The following THSD4 variants were observed in gnomAD, a reference collection of about 807,000 sequenced individuals.
THSD4 encodes the protein thrombospondin type-1 domain-containing protein 4.
In THSD4, 69 loss-of-function variants were observed where a neutral mutation model predicts 119.0. That is an observed-to-expected ratio of 0.58 (90% CI 0.48 to 0.71). The LOEUF (loss-of-function observed/expected upper bound fraction) is 0.71, where lower values mean the gene tolerates loss of function less well. THSD4 is among the 30% of genes least tolerant of loss of function. The probability of loss-of-function intolerance (pLI) is 0.00; values close to 1 mark genes in which losing one functional copy is unlikely to be tolerated. For synonymous variants in THSD4, 524 were observed against 540.4 expected (o/e 0.97, Z 0.42); for missense variants, 1,393 against 1,391.1 (o/e 1.00, Z -0.02).
At chr15:71,453,471 C>T (rs1239532230) in intron 7 of THSD4, among the ~76,000 whole-genome samples, 1 of 152,154 alleles carries the variant, frequency 6.6e-6, no homozygotes, top group Non-Finnish European at 1.5e-5. Context: ...TGTCACCTGC[C>T]ACAAACGAAT....
intron 8 of THSD4, among the ~76,000 whole-genome samples, chr15:71,724,288 T>TATATATATATATATTTTC (rs1491162842): frequency 3.2e-5 from 1 of 31,484 alleles, no homozygotes; most frequent in South Asian, 1.5e-3. Context: ...TATATATATA[T>TATATATATATATATTTTC]TTTTTTTTTC....
chr15:71,394,459 G>A (rs1012174873), intron 6 of THSD4, among the ~76,000 whole-genome samples: 1 of 152,068 alleles, frequency 6.6e-6, no homozygotes, highest in Non-Finnish European at 1.5e-5. Flanking sequence ...TTTTAGTAGA[G>A]ACGGTGTTTC....
intron 7 of THSD4, among the ~76,000 whole-genome samples, chr15:71,626,468 A>G (rs2050512738): frequency 6.6e-6 from 1 of 152,180 alleles, no homozygotes; most frequent in Non-Finnish European, 1.5e-5. Flanking sequence ...GGTAGAAACC[A>G]TTTTCAGATT....
chr15:71,750,272 C>T (rs1423678837), intron 14 of THSD4, among the ~76,000 whole-genome samples: 4 of 152,176 alleles, frequency 2.6e-5, no homozygotes, highest in African/African-American at 7.2e-5. Flanking sequence ...AGCAGACATG[C>T]CCCATACGGC....
At chr15:71,436,167 A>G (rs1010185091) in intron 7 of THSD4, among the ~76,000 whole-genome samples, 2 of 152,298 alleles carry the variant, frequency 1.3e-5, no homozygotes, top group African/African-American at 4.8e-5. Flanking sequence ...GATGAGAACC[A>G]TAAAACTCAC....
chr15:71,451,692 G>A (rs563867164), intron 7 of THSD4, among the ~76,000 whole-genome samples: 1 of 152,100 alleles, frequency 6.6e-6, no homozygotes, highest in African/African-American at 2.4e-5. Flanking sequence ...GTCACTTCTG[G>A]ACTAGGCCTG....
intron 3 of THSD4, among the ~76,000 whole-genome samples, chr15:71,201,346 C>A (rs1457535705): frequency 6.6e-6 from 1 of 152,200 alleles, no homozygotes; most frequent in African/African-American, 2.4e-5. Flanking sequence ...ATTGATCTCA[C>A]AGGCTCAGGG....
At chr15:71,422,943 G>A (rs1307378886) in intron 7 of THSD4, among the ~76,000 whole-genome samples, 1 of 152,156 alleles carries the variant, frequency 6.6e-6, no homozygotes, top group Non-Finnish European at 1.5e-5. Flanking sequence ...TCTGCAAGCA[G>A]AGGAGTCTGT....
intron 6 of THSD4, among the ~76,000 whole-genome samples, chr15:71,274,332 T>G (rs1236687920): frequency 6.6e-6 from 1 of 152,174 alleles, no homozygotes; most frequent in African/African-American, 2.4e-5. Context: ...AACACGCAAG[T>G]ATCATTCATT....
rs79077576 is a variant in THSD4, at chr15:71,692,888, C to T, written c.1357+32154C>T. On this transcript the variant is annotated intron_variant, in intron 8 of 17. Transcript: ENST00000261862. ...GCTAGCTTTTAAGTATTTAAAGAAA[C>T]GATTTACAAGTCAGTCTCCTGAAAT... Among the ~76,000 whole-genome samples, 138 of 152,254 alleles carry T rather than the reference C, an allele frequency of 9.1e-4. 2 individuals carry two copies. In the East Asian group the frequency reaches 0.025, roughly 28 times the overall value.
intron 8 of THSD4, among the ~76,000 whole-genome samples, chr15:71,727,583 T>TACACACAC (rs1567122090): frequency 1.5e-3 from 10 of 6,884 alleles, no homozygotes; most frequent in African/African-American, 2.1e-3. Flanking sequence ...TATATATATA[T>TACACACAC]ATATACACAC....
chr15:71,425,500 G>A (rs772621264), intron 7 of THSD4, among the ~76,000 whole-genome samples: 40 of 152,278 alleles, frequency 2.6e-4, no homozygotes, highest in Non-Finnish European at 5.4e-4. Context: ...CAGCTCCACA[G>A]CGCCTATGGA....
intron 6 of THSD4, among the ~76,000 whole-genome samples, chr15:71,356,138 G>T (rs2045806705): frequency 6.6e-6 from 1 of 152,160 alleles, no homozygotes; most frequent in Non-Finnish European, 1.5e-5. Context: ...AAAGTGCTGA[G>T]CTTACAGGAG....
At chr15:71,148,515 A>AT (rs34693875) in intron 2 of THSD4, among the ~76,000 whole-genome samples, 42 of 150,862 alleles carry the variant, frequency 2.8e-4, no homozygotes, top group South Asian at 1.5e-3. Context: ...AATAGAATGC[A>AT]TTTTTTTTTT....
intron 6 of THSD4, among the ~76,000 whole-genome samples, chr15:71,328,145 G>A (rs1210420029): frequency 6.6e-6 from 1 of 152,192 alleles, no homozygotes; most frequent in African/African-American, 2.4e-5. Context: ...TCATGGTCCC[G>A]ACTGGGACAC....
At chr15:71,649,660 T>C (rs143356606) in intron 7 of THSD4, among the ~76,000 whole-genome samples, 21 of 152,336 alleles carry the variant, frequency 1.4e-4, no homozygotes, top group African/African-American at 5.0e-4. Flanking sequence ...TTGGCATCTT[T>C]GTCATGAAAT....
chr15:71,344,237 G>A (rs1292155566), intron 6 of THSD4, among the ~76,000 whole-genome samples: 2 of 151,824 alleles, frequency 1.3e-5, no homozygotes, highest in African/African-American at 4.8e-5. Flanking sequence ...TAGAGACGGG[G>A]TTTCACCGTG....
chr15:71,782,253 G>C lies in THSD4; in HGVS notation c.*4879G>C, dbSNP rs887492865. 4 of 151,464 alleles carry C rather than the reference G, an allele frequency of 2.6e-5. No homozygotes were observed. Among genetic ancestry groups the C allele is most frequent in the African/African-American group, 7.3e-5 (3 of 41,132 alleles). The allele number at this position is 151,464 out of a possible 1,614,324, so 9.4% of individuals were successfully genotyped here. A position where few individuals can be genotyped will look rare whatever the true frequency, so the allele number is the denominator to read the frequency against. On this transcript the variant is annotated 3_prime_UTR_variant, in exon 18 of 18. Coordinates refer to ENST00000261862, the MANE Select transcript of THSD4 (RefSeq NM_024817.3). ...TTCATTTCAGCAGATAATGATGGAG[G>C]GGGGGGGTGTCCATCGTGCTGAGGG...
intron 7 of THSD4, among the ~76,000 whole-genome samples, chr15:71,548,287 C>T (rs1003565988): frequency 3.3e-5 from 5 of 152,108 alleles, no homozygotes; most frequent in African/African-American, 7.2e-5. Flanking sequence ...GCCTGAGTAA[C>T]GAAAGGACAG....
Sources: gnomAD v4.1 joint callset for allele counts (sites outside exome capture counted in the v4.1 genomes callset) on GRCh38, gnomAD v4.1.1 for gene constraint, MANE v1.5 for transcripts, NCBI Gene and HGNC (gene_info 2026-07-23, HGNC 2026-07-21) for gene names.